Variants in TARDBP observed in about 807,000 individuals in gnomAD.
TARDBP encodes the protein TAR DNA-binding protein 43.
A neutral mutation model predicts 38.3 loss-of-function variants in TARDBP; 4 were observed. That is an observed-to-expected ratio of 0.10 (90% CI 0.05 to 0.24). The LOEUF is 0.24. Ranked by LOEUF, TARDBP falls within the 10% of genes least tolerant of loss-of-function variation. The pLI is 1.00. For missense variants in TARDBP, 202 were observed against 521.9 expected (o/e 0.39, Z 5.97); for synonymous variants, 184 against 183.8 (o/e 1.00, Z -0.01).
At chr1:11,028,218 A>AG (rs371620754), downstream of TARDBP, among the ~76,000 whole-genome samples, 142 of 146,526 alleles carry the variant, frequency 9.7e-4, 1 homozygote, top group African/African-American at 3.6e-3. Context: ...ACTCCATCTC[A>AG]AAAAAAAAAG....
chr1:11,016,747 GTCT>G (rs1643532944), intron 2 of TARDBP, 94 bp from the exon 3 acceptor site: 10 of 1,283,106 alleles, frequency 7.8e-6, no homozygotes, highest in East Asian at 2.3e-5. Flanking sequence ...TCTTCTTAGA[GTCT>G]TCTTTTTGCT....
chr1:11,030,097 GCT>G, downstream of TARDBP: 1 of 1,032,966 alleles, frequency 9.7e-7, no homozygotes, highest in South Asian at 1.4e-5. Context: ...GCCTACCACA[GCT>G]AAAGCTCTCC....
intron 4 of TARDBP, chr1:11,019,193 T>TA (rs568890253): frequency 2.7e-6 from 1 of 366,366 alleles, no homozygotes; most frequent in Non-Finnish European, 5.2e-6. Context: ...TCAGAATACA[T>TA]ACATTAATTG....
At chr1:11,018,624 C>G in intron 3 of TARDBP, 109 bp from the exon 4 acceptor site, 1 of 1,494,746 alleles carries the variant, frequency 6.7e-7, no homozygotes, top group Non-Finnish European at 9.3e-7. Context: ...AGTTTTAAGC[C>G]ACTGCATCCA....
chr1:11,030,217 G>T (rs201988936), downstream of TARDBP: 25 of 1,613,362 alleles, frequency 1.5e-5, no homozygotes, highest in African/African-American at 1.1e-4. Flanking sequence ...TTTGGAGCTC[G>T]TCCAGAATCC....
chr1:11,021,983 G>C lies in TARDBP; in HGVS notation c.715-141G>C, dbSNP rs980814909. 24 of 911,512 alleles carry C rather than the reference G, an allele frequency of 2.6e-5. No homozygotes were observed. The South Asian group carries it at 3.6e-4, about 14-fold the overall frequency. The allele number at this position is 911,512 out of a possible 1,614,324, so 56.5% of individuals were successfully genotyped here. Reference sequence around the variant, plus strand: ...AATAAAACTAAAAGCTGTATTGGGGGTTTAAATGAAATGAGTGTTCATTGC... The same window carrying C: ...AATAAAACTAAAAGCTGTATTGGGGCTTTAAATGAAATGAGTGTTCATTGC... On this transcript the variant is annotated intron_variant, in intron 5 of 5. Coordinates refer to ENST00000240185, the MANE Select transcript of TARDBP (RefSeq NM_007375.4).
downstream of TARDBP, chr1:11,030,209 T>TG (rs767305036): frequency 2.9e-5 from 47 of 1,613,634 alleles, no homozygotes; most frequent in Admixed American, 2.3e-4. Flanking sequence ...TTTTCTCCTT[T>TG]GGAGCTCGTC....
chr1:11,022,459 G>C lies in TARDBP; in HGVS notation c.1050G>C (p.Ser350=), dbSNP rs528494087. The C allele has an allele frequency of 2.5e-6, 4 of 1,612,344 alleles. No individual in the cohort carries two copies. In the East Asian group the frequency reaches 8.9e-5, roughly 36 times the overall value. ...GCCAGCAGAACCAGTCAGGCCCATCGGGTAATAACCAAAACCAAGGCAACA... is the reference window on the plus strand; with the variant it reads ...GCCAGCAGAACCAGTCAGGCCCATCCGGTAATAACCAAAACCAAGGCAACA... The part of the protein sequence containing the change: ...LASQQNQSGP[S]GNNQNQGNMQ... The change falls in exon 6 of 6, where the codon TCG becomes TCC. Residue 350 remains serine (S), a synonymous_variant. Coordinates refer to ENST00000240185, the MANE Select transcript of TARDBP (RefSeq NM_007375.4). The surrounding 1 kb of genome is among the most constrained non-coding windows in gnomAD (Gnocchi z 4.5).
At chr1:11,016,362 C>G (rs1643525796) in intron 2 of TARDBP, 1 of 175,078 alleles carries the variant, frequency 5.7e-6, no homozygotes. Flanking sequence ...ACTGCAGCCT[C>G]AAACTCCTGG....
chr1:11,028,982 A>G (rs1219594928), downstream of TARDBP, among the ~76,000 whole-genome samples: 4 of 122,796 alleles, frequency 3.3e-5, no homozygotes, highest in African/African-American at 1.3e-4. Context: ...CAAAGTGCTG[A>G]CTTTTTTTTT....
chr1:11,030,155 T>C (rs753720523), downstream of TARDBP: 4 of 1,578,654 alleles, frequency 2.5e-6, no homozygotes, highest in Non-Finnish European at 3.5e-6. Context: ...TACCAGTCTC[T>C]TGTATAAATG....
intron 2 of TARDBP, among the ~76,000 whole-genome samples, chr1:11,014,975 C>A (rs931209168): frequency 2.0e-5 from 3 of 151,422 alleles, no homozygotes; most frequent in African/African-American, 7.3e-5. Flanking sequence ...GGCGTGGTGG[C>A]GGGGGCCTGT....
downstream of TARDBP, among the ~76,000 whole-genome samples, chr1:11,028,226 A>G (rs922420320): frequency 2.6e-5 from 4 of 152,166 alleles, no homozygotes; most frequent in African/African-American, 9.7e-5. Flanking sequence ...TCAAAAAAAA[A>G]AGGAGATTAG....
rs1212167294 is a variant in TARDBP at position 11,024,446 on chromosome 1, C to G, written c.*1792C>G. ...GGAAGTCATGCCTTCTAAAAAGATT[C>G]TTATTTGGGGGAGTGGGCAAAATGT... On this transcript the variant is annotated 3_prime_UTR_variant, in exon 6 of 6. Transcript: ENST00000240185. 1 of 152,462 alleles carries G rather than the reference C, an allele frequency of 6.6e-6. No individual in the cohort carries two copies. The highest frequency in any genetic ancestry group is 1.5e-5 in the Non-Finnish European group (1 of 67,998). 9.4% of individuals were successfully genotyped at this position (152,462 alleles called of 1,614,324 possible). A position where few individuals can be genotyped will look rare whatever the true frequency, so the allele number is the denominator to read the frequency against.
Position 11,022,936 on chromosome 1 carries a change from G to A in TARDBP, c.*282G>A, listed in dbSNP as rs1004350148. The A allele has an allele frequency of 4.4e-6, 6 of 1,361,866 alleles. No homozygotes were observed. The highest frequency in any genetic ancestry group is 2.0e-5 in the South Asian group (1 of 50,188). The allele number at this position is 1,361,866 out of a possible 1,614,324, so 84.4% of individuals were successfully genotyped here. A position where few individuals can be genotyped will look rare whatever the true frequency, so the allele number is the denominator to read the frequency against. On this transcript the variant is annotated 3_prime_UTR_variant, in exon 6 of 6. Coordinates refer to ENST00000240185, the MANE Select transcript of TARDBP (RefSeq NM_007375.4). The surrounding 1 kb of genome is among the most constrained non-coding windows in gnomAD (Gnocchi z 4.5). ...CAACACACTACAATTGATATCAAAA[G>A]GTTTCTCCTGTAATATTTTATCCCT... is the stretch of plus-strand genomic sequence containing the variant.
At chr1:11,027,746 C>A, downstream of TARDBP, 1 of 1,292,164 alleles carries the variant, frequency 7.7e-7, no homozygotes, top group Non-Finnish European at 1.1e-6. Flanking sequence ...TGATGTCAAC[C>A]AAAAATTATA....
intron 2 of TARDBP, among the ~76,000 whole-genome samples, chr1:11,015,025 T>G (rs984650481): frequency 6.6e-6 from 1 of 151,802 alleles, no homozygotes; most frequent in African/African-American, 2.4e-5. Context: ...GAGAATCGCT[T>G]GAACCTGGGA....
chr1:11,027,013 CTG>C, downstream of TARDBP: 2 of 1,599,504 alleles, frequency 1.3e-6, no homozygotes, highest in Non-Finnish European at 1.7e-6. Context: ...AACCACCTCT[CTG>C]TTTCACTATC....
Position 11,023,366 on chromosome 1 carries a change from A to C in TARDBP, c.*712A>C. 1 of 1,110,096 alleles carries C rather than the reference A, an allele frequency of 9.0e-7. No individual in the cohort carries two copies. The highest frequency in any genetic ancestry group is 1.3e-6 in the Non-Finnish European group (1 of 757,498). The allele number at this position is 1,110,096 out of a possible 1,614,324, so 68.8% of individuals were successfully genotyped here. On this transcript the variant is annotated 3_prime_UTR_variant, in exon 6 of 6. Coordinates refer to ENST00000240185, the MANE Select transcript of TARDBP (RefSeq NM_007375.4). ...ATTTTTATCCGCTACTCTTTATTTC[A>C]TGGAGTCGTATCAACGCTATGAACG...
Sources: allele counts gnomAD v4.1 joint callset (sites outside exome capture counted in the v4.1 genomes callset), GRCh38; gene constraint gnomAD v4.1.1; non-coding constraint Gnocchi (gnomAD v3.1); transcripts MANE v1.5; gene names NCBI Gene and HGNC (gene_info 2026-07-23, HGNC 2026-07-21).